The following CEP112 variants were observed in gnomAD, a reference collection of about 807,000 sequenced individuals.
CEP112 encodes the protein centrosomal protein 112, also known as centrosomal protein of 112 kDa.
Under a neutral mutation model 153.0 loss-of-function variants are expected in CEP112, and 127 were observed. The ratio of observed to expected loss-of-function variants is 0.83; its 90% CI spans 0.72 to 0.96. CEP112 has a LOEUF of 0.96. CEP112 is among the 40% of genes least tolerant of loss of function. CEP112 has a pLI of 0.00. For missense variants in CEP112, 1,089 were observed against 1,101.2 expected (o/e 0.99, Z 0.16); for synonymous variants, 358 against 374.4 (o/e 0.96, Z 0.51).
At chr17:66,138,154 T>C (rs992139154) in intron 4 of CEP112, among the ~76,000 whole-genome samples, 2 of 152,014 alleles carry the variant, frequency 1.3e-5, no homozygotes, top group Non-Finnish European at 2.9e-5. Flanking sequence ...ATCAAATCCA[T>C]CTCCTCGCCC....
At chr17:65,740,418 T>C (rs1261525813) in intron 23 of CEP112, among the ~76,000 whole-genome samples, 1 of 152,204 alleles carries the variant, frequency 6.6e-6, no homozygotes, top group African/African-American at 2.4e-5. Flanking sequence ...GCTAGGTATA[T>C]CTCTCAGGCA....
chr17:66,182,462 C>A (rs2072759162), intron 2 of CEP112: 1 of 152,102 alleles, frequency 6.6e-6, no homozygotes, highest in Admixed American at 6.6e-5. Flanking sequence ...TACTCAGACA[C>A]CTTAGGGAAA....
intron 24 of CEP112, among the ~76,000 whole-genome samples, chr17:65,673,326 C>T (rs1196260189): frequency 3.3e-5 from 5 of 152,114 alleles, no homozygotes; most frequent in African/African-American, 1.2e-4. Context: ...TCTCTCTAGC[C>T]CCCCCGCCCT....
At chr17:65,690,006 G>C (rs2048017006) in intron 23 of CEP112, among the ~76,000 whole-genome samples, 1 of 149,460 alleles carries the variant, frequency 6.7e-6, no homozygotes, top group East Asian at 2.0e-4. Flanking sequence ...AACAGCAAAG[G>C]TGCCAAATTC....
intron 11 of CEP112, among the ~76,000 whole-genome samples, chr17:66,054,762 T>C (rs1050750475): frequency 6.6e-6 from 1 of 152,160 alleles, no homozygotes; most frequent in Non-Finnish European, 1.5e-5. Flanking sequence ...CTTTTTGTTT[T>C]TGTTTTTGTT....
chr17:65,880,679 T>A (rs532296881), intron 20 of CEP112, among the ~76,000 whole-genome samples: 2 of 152,304 alleles, frequency 1.3e-5, no homozygotes, highest in Admixed American at 6.5e-5. Context: ...ACAGAGGCAA[T>A]GAACCACCTT....
chr17:65,680,437 G>A (rs889200388), intron 24 of CEP112, among the ~76,000 whole-genome samples: 2 of 152,152 alleles, frequency 1.3e-5, no homozygotes, highest in Admixed American at 6.5e-5. Context: ...CCTGTGGCCT[G>A]TGATGCTGCT....
chr17:66,035,885 C>T (rs369694101), intron 12 of CEP112, among the ~76,000 whole-genome samples: 1 of 152,152 alleles, frequency 6.6e-6, no homozygotes, highest in Non-Finnish European at 1.5e-5. Context: ...ACAAGACAGC[C>T]GAAAAACTGA....
At chr17:65,912,793 G>A (rs1305549316) in intron 19 of CEP112, among the ~76,000 whole-genome samples, 1 of 152,088 alleles carries the variant, frequency 6.6e-6, no homozygotes, top group East Asian at 1.9e-4. Flanking sequence ...TTAAAGGATT[G>A]GCCATTAATA....
At chr17:65,929,174 A>G (rs1420842157) in intron 18 of CEP112, among the ~76,000 whole-genome samples, 1 of 152,228 alleles carries the variant, frequency 6.6e-6, no homozygotes, top group East Asian at 1.9e-4. Context: ...ACTGAATTGT[A>G]CACATACGAG....
chr17:65,935,076 G>A (rs2061260577), intron 18 of CEP112, among the ~76,000 whole-genome samples: 1 of 152,168 alleles, frequency 6.6e-6, no homozygotes, highest in African/African-American at 2.4e-5. Context: ...CTTCATACGT[G>A]GGGATTATGG....
intron 19 of CEP112, among the ~76,000 whole-genome samples, chr17:65,909,136 A>G (rs1035293233): frequency 2.0e-5 from 3 of 152,248 alleles, no homozygotes; most frequent in Non-Finnish European, 4.4e-5. Context: ...ACATAACTTA[A>G]TGTCAGGAAT....
At chr17:66,135,803 T>C (rs1339600686) in intron 4 of CEP112, among the ~76,000 whole-genome samples, 2 of 151,800 alleles carry the variant, frequency 1.3e-5, no homozygotes, top group South Asian at 4.2e-4. Flanking sequence ...TATAAACTTA[T>C]CCCTGTACAG....
chr17:65,656,438 G>C (rs973278444), intron 24 of CEP112, among the ~76,000 whole-genome samples: 5 of 152,198 alleles, frequency 3.3e-5, no homozygotes, highest in Admixed American at 6.5e-5. Context: ...AAACAACATA[G>C]AATATGCAAA....
chr17:65,675,128 T>TA (rs1374767140), intron 24 of CEP112, among the ~76,000 whole-genome samples: 2 of 152,264 alleles, frequency 1.3e-5, no homozygotes, highest in East Asian at 3.9e-4. Flanking sequence ...ATATCCAGAA[T>TA]AAATACAGAC....
chr17:66,125,988 T>C (rs1396037983), intron 6 of CEP112, among the ~76,000 whole-genome samples: 1 of 152,228 alleles, frequency 6.6e-6, no homozygotes, highest in African/African-American at 2.4e-5. Flanking sequence ...CTTCATTCAA[T>C]GGAAGATTTC....
intron 17 of CEP112, among the ~76,000 whole-genome samples, chr17:66,000,912 C>A (rs2064015888): frequency 6.6e-6 from 1 of 152,212 alleles, no homozygotes; most frequent in Non-Finnish European, 1.5e-5. Context: ...CTGGCATGGG[C>A]TGATCGTCCT....
chr17:66,060,155 A>C (rs927803872), intron 11 of CEP112, among the ~76,000 whole-genome samples: 1 of 152,126 alleles, frequency 6.6e-6, no homozygotes, highest in African/African-American at 2.4e-5. Context: ...GAGGGGGACA[A>C]AGGCTGAAAA....
chr17:66,128,017 A>C (rs1438841349), intron 6 of CEP112, among the ~76,000 whole-genome samples: 1 of 151,850 alleles, frequency 6.6e-6, no homozygotes, highest in Non-Finnish European at 1.5e-5. Context: ...AAGACCTAAA[A>C]CGGCCAGGCG....
Sources: gnomAD v4.1 joint callset for allele counts (sites outside exome capture counted in the v4.1 genomes callset) on GRCh38, gnomAD v4.1.1 for gene constraint, MANE v1.5 for transcripts, NCBI Gene and HGNC (gene_info 2026-07-23, HGNC 2026-07-21) for gene names.